RAB8B: variants seen among roughly 807,000 people sequenced by gnomAD.
RAB8B encodes the protein ras-related protein Rab-8B.
A neutral mutation model predicts 32.0 loss-of-function variants in RAB8B; 11 were observed. The ratio of observed to expected loss-of-function variants is 0.34; its 90% confidence interval spans 0.22 to 0.57. The LOEUF (loss-of-function observed/expected upper bound fraction) is 0.57, where lower values mean the gene tolerates loss of function less well. Among genes scored for constraint, RAB8B ranks in the 20% least tolerant of loss-of-function variants. The probability of loss-of-function intolerance (pLI) is 0.86; values close to 1 mark genes in which losing one functional copy is unlikely to be tolerated. For missense variants in RAB8B, 190 were observed against 258.5 expected (o/e 0.73, Z 1.82); for synonymous variants, 103 against 89.6 (o/e 1.15, Z -0.85).
intron 1 of RAB8B, among the ~76,000 whole-genome samples, chr15:63,202,024 G>A (rs1403440163): frequency 2.7e-5 from 4 of 150,366 alleles, no homozygotes; most frequent in Admixed American, 1.3e-4. Context: ...AGGCCGAGGC[G>A]GGCGGATCCA....
chr15:63,225,873 C>T (rs1289861208), intron 1 of RAB8B, among the ~76,000 whole-genome samples: 1 of 152,108 alleles, frequency 6.6e-6, no homozygotes, highest in Non-Finnish European at 1.5e-5. Context: ...GAGGGTCTCG[C>T]TCTGTCACCC....
At chr15:63,220,222 T>C (rs767083421) in intron 1 of RAB8B, among the ~76,000 whole-genome samples, 4 of 152,202 alleles carry the variant, frequency 2.6e-5, no homozygotes, top group Non-Finnish European at 4.4e-5. Context: ...ATTGAGACAA[T>C]GGTAGCAGAA....
At chr15:63,229,256 A>G (rs551731744) in intron 1 of RAB8B, among the ~76,000 whole-genome samples, 1 of 152,330 alleles carries the variant, frequency 6.6e-6, no homozygotes, top group Non-Finnish European at 1.5e-5. Flanking sequence ...AAGAGAAGAC[A>G]TATCTTTTGG....
At chr15:63,227,321 G>A (rs181250430) in intron 1 of RAB8B, among the ~76,000 whole-genome samples, 324 of 152,286 alleles carry the variant, frequency 2.1e-3, no homozygotes, top group Non-Finnish European at 4.0e-3. Context: ...CACCAAAACT[G>A]TGACCACTAG....
chr15:63,217,415 T>C (rs2037802527), intron 1 of RAB8B, among the ~76,000 whole-genome samples: 1 of 152,162 alleles, frequency 6.6e-6, no homozygotes, highest in Non-Finnish European at 1.5e-5. Context: ...AAGGAAAATG[T>C]TTTTCACCAT....
chr15:63,244,248 GCTAA>G (rs995406949), intron 1 of RAB8B, among the ~76,000 whole-genome samples: 2 of 152,176 alleles, frequency 1.3e-5, no homozygotes, highest in African/African-American at 2.4e-5. Flanking sequence ...TAAAATACTT[GCTAA>G]CTGTTTAAAA....
rs79227534 is a variant in RAB8B, at chr15:63,232,165, A to G, written c.125-12591A>G. The stretch of plus-strand genomic sequence containing the variant: ...TTTCTTGACTTTTGGTAGTTCTAGC[A>G]TTTAGAAACCTTTTATTTATGATTC... On this transcript the variant is annotated intron_variant, in intron 1 of 7. Transcript: ENST00000321437. Among the ~76,000 whole-genome samples the G allele has an allele frequency of 1.1e-3, 162 of 152,292 alleles. 4 individuals are homozygous for G. The East Asian group carries it at 0.028, about 26-fold the overall frequency.
intron 3 of RAB8B, among the ~76,000 whole-genome samples, chr15:63,249,996 C>T (rs2038103136): frequency 2.0e-5 from 3 of 151,988 alleles, no homozygotes; most frequent in Admixed American, 6.6e-5. Context: ...ATTAGCCGGG[C>T]GCGGTGGTGG....
intron 1 of RAB8B, among the ~76,000 whole-genome samples, chr15:63,191,359 T>C (rs1004293966): frequency 6.6e-6 from 1 of 152,232 alleles, no homozygotes; most frequent in Non-Finnish European, 1.5e-5. Flanking sequence ...TATGGTTTGT[T>C]TGCTCATTCT....
chr15:63,212,489 G>A (rs73438893), intron 1 of RAB8B, among the ~76,000 whole-genome samples: 85 of 152,278 alleles, frequency 5.6e-4, no homozygotes, highest in African/African-American at 1.9e-3. Flanking sequence ...GGGATCAGAA[G>A]AGTCAAGATG....
chr15:63,200,692 T>G (rs1308606331), intron 1 of RAB8B, among the ~76,000 whole-genome samples: 2 of 151,488 alleles, frequency 1.3e-5, no homozygotes, highest in Non-Finnish European at 2.9e-5. Flanking sequence ...AAAAATAGTC[T>G]AAAATAATAG....
At chr15:63,246,216 A>T (rs2038070959) in intron 2 of RAB8B, among the ~76,000 whole-genome samples, 1 of 152,198 alleles carries the variant, frequency 6.6e-6, no homozygotes. Flanking sequence ...CTACATTTTG[A>T]CTGTGACCCG....
chr15:63,256,460 G>GT lies in RAB8B; in HGVS notation c.325-40dup, dbSNP rs776757692. 4 of 1,419,368 alleles carry GT rather than the reference G, an allele frequency of 2.8e-6. 1 individual carries two copies. In the South Asian group the frequency reaches 5.0e-5, roughly 18 times the overall value. The allele number at this position is 1,419,368 out of a possible 1,614,324, so 87.9% of individuals were successfully genotyped here. A position where few individuals can be genotyped will look rare whatever the true frequency, so the allele number is the denominator to read the frequency against. On this transcript the variant is annotated intron_variant, in intron 4 of 7. Coordinates refer to ENST00000321437, the MANE Select transcript of RAB8B (RefSeq NM_016530.3). ...GTTGGATTTGTCTATTAAGTAACGG[G>GT]TTTTTCTCAGGCTGTTTTTATAGCA... is the stretch of plus-strand genomic sequence containing the variant.
At chr15:63,205,563 A>G (rs1163366916) in intron 1 of RAB8B, among the ~76,000 whole-genome samples, 1 of 152,174 alleles carries the variant, frequency 6.6e-6, no homozygotes, top group East Asian at 1.9e-4. Flanking sequence ...AAGGGCATGA[A>G]GGGCCTCAAG....
chr15:63,261,359 T>TA (rs1278459718), intron 6 of RAB8B, among the ~76,000 whole-genome samples: 2 of 152,004 alleles, frequency 1.3e-5, no homozygotes, highest in South Asian at 4.2e-4. Context: ...TGGAGAACAA[T>TA]AAAAAAACTA....
intron 5 of RAB8B, 116 bp downstream of exon 5, chr15:63,256,710 G>T (rs938988717): frequency 4.1e-6 from 3 of 731,200 alleles, no homozygotes; most frequent in Non-Finnish European, 6.6e-6. Context: ...CCTTTAAATT[G>T]GATATCAACA....
At chr15:63,249,980 C>CA (rs1440646661) in intron 3 of RAB8B, among the ~76,000 whole-genome samples, 1 of 151,218 alleles carries the variant, frequency 6.6e-6, no homozygotes, top group Non-Finnish European at 1.5e-5. Flanking sequence ...ACTAAAAATA[C>CA]AAAAAATTAG....
chr15:63,229,822 A>C (rs1253192466), intron 1 of RAB8B, among the ~76,000 whole-genome samples: 1 of 149,636 alleles, frequency 6.7e-6, no homozygotes, highest in African/African-American at 2.4e-5. Context: ...AAGCCAAACC[A>C]AGGAAGTAAT....
intron 1 of RAB8B, among the ~76,000 whole-genome samples, chr15:63,219,295 C>CAA (rs552403928): frequency 5.6e-5 from 5 of 88,818 alleles, no homozygotes; most frequent in South Asian, 6.6e-4. Context: ...AGACTCCCAT[C>CAA]AAAAAAAAAA....
Sources: allele counts gnomAD v4.1 joint callset (sites outside exome capture counted in the v4.1 genomes callset), GRCh38; gene constraint gnomAD v4.1.1; transcripts MANE v1.5; gene names NCBI Gene and HGNC (gene_info 2026-07-23, HGNC 2026-07-21).